STRN: variants seen among roughly 807,000 people sequenced by gnomAD.
The protein encoded by STRN is striatin, also known as protein phosphatase 2 regulatory subunit B'''alpha.
A neutral mutation model predicts 96.3 loss-of-function variants in STRN; 53 were observed. That is an observed-to-expected ratio of 0.55 (90% confidence interval 0.44 to 0.69). STRN has a LOEUF of 0.69. Ranked by LOEUF, STRN falls within the 30% of genes least tolerant of loss-of-function variation. STRN has a pLI of 0.00. For synonymous variants in STRN, 428 were observed against 355.9 expected (o/e 1.20, Z -2.28); for missense variants, 987 against 963.9 (o/e 1.02, Z -0.32).
chr2:36,959,017 G>A (rs559231501), intron 1 of STRN, among the ~76,000 whole-genome samples: 9 of 152,288 alleles, frequency 5.9e-5, no homozygotes, highest in Admixed American at 4.6e-4. Flanking sequence ...TCGGGAGGCT[G>A]AGGCAGGAGA....
intron 1 of STRN, among the ~76,000 whole-genome samples, chr2:36,932,597 TA>T: frequency 6.6e-6 from 1 of 152,336 alleles, no homozygotes; most frequent in South Asian, 2.1e-4. Context: ...AAAATAAAGA[TA>T]AATTTCATTT....
intron 10 of STRN, among the ~76,000 whole-genome samples, chr2:36,871,047 T>A (rs1282472045): frequency 6.6e-6 from 1 of 152,186 alleles, no homozygotes; most frequent in Non-Finnish European, 1.5e-5. Context: ...GAAGAGAATA[T>A]TTTTCTACAG....
At chr2:36,929,181 A>T (rs1670502757) in intron 1 of STRN, among the ~76,000 whole-genome samples, 1 of 152,162 alleles carries the variant, frequency 6.6e-6, no homozygotes, top group Non-Finnish European at 1.5e-5. Flanking sequence ...AGATAAAAAT[A>T]ATAGAAGGAA....
intron 1 of STRN, among the ~76,000 whole-genome samples, chr2:36,928,427 G>A (rs918159476): frequency 6.6e-6 from 1 of 151,958 alleles, no homozygotes; most frequent in African/African-American, 2.4e-5. Context: ...CGAGGCGGGG[G>A]GATCACTTGA....
At chr2:36,851,248 G>GCCTC in intron 15 of STRN, 141 bp from the exon 16 acceptor site, 1 of 567,572 alleles carries the variant, frequency 1.8e-6, no homozygotes, top group Non-Finnish European at 3.0e-6. Context: ...ACGTTGGGAG[G>GCCTC]CCAAGGTGGG....
At chr2:36,940,472 A>G (rs893463016) in intron 1 of STRN, among the ~76,000 whole-genome samples, 1 of 152,150 alleles carries the variant, frequency 6.6e-6, no homozygotes, top group Non-Finnish European at 1.5e-5. Context: ...AAGCTGAGTA[A>G]AAGTTTCCTG....
chr2:36,881,794 A>G (rs970797189), intron 9 of STRN, among the ~76,000 whole-genome samples: 5 of 152,264 alleles, frequency 3.3e-5, no homozygotes, highest in African/African-American at 1.2e-4. Flanking sequence ...TAATTCATGT[A>G]TGGCCTGAGA....
chr2:36,927,524 AGGG>A (rs3080759), intron 1 of STRN, among the ~76,000 whole-genome samples: 32 of 79,600 alleles, frequency 4.0e-4, no homozygotes, highest in African/African-American at 1.1e-3. Context: ...AACAAAAAAA[AGGG>A]GGGGGGGGGT....
chr2:36,905,712 T>A, intron 3 of STRN, 94 bp from the exon 4 acceptor site: 2 of 1,077,530 alleles, frequency 1.9e-6, no homozygotes, highest in South Asian at 1.3e-5. Context: ...TTTATAAGAT[T>A]AAGAATATGT....
intron 14 of STRN, among the ~76,000 whole-genome samples, chr2:36,857,639 A>G (rs571326939): frequency 1.3e-5 from 2 of 152,234 alleles, no homozygotes; most frequent in African/African-American, 4.8e-5. Context: ...CAGCCTGGGC[A>G]ACAGAGTGAT....
At position 36,844,587 on chromosome 2, in the gene STRN, G is replaced by A. The variant is rs993222396; in HGVS notation, c.*4869C>T. Reference sequence around the variant, plus strand: ...TAAAGCTTGGATTAGCAAAGATCCAGAAAATTCTGACCCCCTAAGCACCAC... The same window carrying A: ...TAAAGCTTGGATTAGCAAAGATCCAAAAAATTCTGACCCCCTAAGCACCAC... On this transcript the variant is annotated 3_prime_UTR_variant, in exon 18 of 18. Transcript: ENST00000263918. 2 of 152,096 alleles carry A rather than the reference G, an allele frequency of 1.3e-5. No individual in the cohort carries two copies. Among genetic ancestry groups the A allele is most frequent in the African/African-American group, 4.8e-5 (2 of 41,412 alleles). The allele number at this position is 152,096 out of a possible 1,614,324, so 9.4% of individuals were successfully genotyped here.
At position 36,848,205 on chromosome 2, in the gene STRN, T is replaced by A. The variant is rs117808213; in HGVS notation, c.*1251A>T. 6.6e-6 allele frequency: 1 copy of A among 152,248 alleles called. No individual in the cohort carries two copies. Among genetic ancestry groups the A allele is most frequent in the East Asian group, 1.9e-4 (1 of 5,192 alleles). The allele number at this position is 152,248 out of a possible 1,614,324, so 9.4% of individuals were successfully genotyped here. On this transcript the variant is annotated 3_prime_UTR_variant, in exon 18 of 18. Transcript: ENST00000263918. ...TCCACTGCCCATTAAAACATGTATA[T>A]CTCAATTAAACAATGGGGGAGGAAT...
Position 36,848,585 on chromosome 2 carries a change from A to G in STRN, c.*871T>C, listed in dbSNP as rs1668139260. 1 of 152,224 alleles carries G rather than the reference A, an allele frequency of 6.6e-6. No individual in the cohort carries two copies. Among genetic ancestry groups the G allele is most frequent in the Non-Finnish European group, 1.5e-5 (1 of 68,034 alleles). 9.4% of individuals were successfully genotyped at this position (152,224 alleles called of 1,614,324 possible). A position where few individuals can be genotyped will look rare whatever the true frequency, so the allele number is the denominator to read the frequency against. ...ATTGGTATGAAATAATCACTCTGGT[A>G]CTATAAATGTCACATGAATAAAGTG... On this transcript the variant is annotated 3_prime_UTR_variant, in exon 18 of 18. Coordinates refer to ENST00000263918, the MANE Select transcript of STRN (RefSeq NM_003162.4).
intron 1 of STRN, among the ~76,000 whole-genome samples, chr2:36,949,364 G>A (rs950008334): frequency 1.3e-5 from 2 of 152,158 alleles, no homozygotes; most frequent in Admixed American, 6.5e-5. Flanking sequence ...AATATAAACA[G>A]TCTAATCGTG....
chr2:36,929,272 ATATG>A (rs2148237098), intron 1 of STRN, among the ~76,000 whole-genome samples: 1 of 152,364 alleles, frequency 6.6e-6, no homozygotes, highest in South Asian at 2.1e-4. Context: ...TCAAAAGGAT[ATATG>A]TAAATAGGAA....
chr2:36,906,848 G>A (rs764559917), intron 3 of STRN, among the ~76,000 whole-genome samples: 39 of 151,884 alleles, frequency 2.6e-4, no homozygotes, highest in Non-Finnish European at 5.0e-4. Flanking sequence ...TTGAACCCAA[G>A]AAGCGGAGGT....
At chr2:36,922,865 C>T (rs952218081) in intron 2 of STRN, among the ~76,000 whole-genome samples, 7 of 152,176 alleles carry the variant, frequency 4.6e-5, no homozygotes, top group East Asian at 3.9e-4. Flanking sequence ...ATAACCACTC[C>T]GGGCCGCACG....
At chr2:36,866,520 T>C (rs895274179) in intron 12 of STRN, among the ~76,000 whole-genome samples, 15 of 152,198 alleles carry the variant, frequency 9.9e-5, no homozygotes, top group African/African-American at 3.4e-4. Context: ...TTCTGTTGTT[T>C]TGCAGTGGAG....
chr2:36,960,845 C>T (rs952848179), intron 1 of STRN, among the ~76,000 whole-genome samples: 1 of 152,084 alleles, frequency 6.6e-6, no homozygotes, highest in Non-Finnish European at 1.5e-5. Flanking sequence ...TCTCAGCTGT[C>T]CTATGAGGCT....
Sources: gnomAD v4.1 joint callset for allele counts (sites outside exome capture counted in the v4.1 genomes callset) on GRCh38, gnomAD v4.1.1 for gene constraint, MANE v1.5 for transcripts, NCBI Gene and HGNC (gene_info 2026-07-23, HGNC 2026-07-21) for gene names.